Variants in ST3GAL6 observed in about 807,000 individuals in gnomAD.
ST3GAL6 encodes the protein type 2 lactosamine alpha-2,3-sialyltransferase.
A neutral mutation model predicts 40.5 loss-of-function variants in ST3GAL6; 31 were observed. The observed-to-expected ratio is 0.77, with a 90% confidence interval of 0.58 to 1.03. ST3GAL6 has a LOEUF of 1.03. Ranked by LOEUF, ST3GAL6 falls within the 50% of genes least tolerant of loss-of-function variation. ST3GAL6 has a pLI of 0.00. For missense variants in ST3GAL6, 357 were observed against 393.2 expected, an observed-to-expected ratio of 0.91 and a Z score of 0.78; for synonymous variants, 129 against 136.9, an observed-to-expected ratio of 0.94 and a Z score of 0.40.
rs953708137 is a variant in ST3GAL6, at chr3:98,795,207, G to A, written c.*1446G>A. 2.6e-5 allele frequency: 4 copies of A among 152,162 alleles called. No homozygotes were observed. Among genetic ancestry groups the A allele is most frequent in the African/African-American group, 9.7e-5 (4 of 41,436 alleles). 9.4% of individuals were successfully genotyped at this position (152,162 alleles called of 1,614,324 possible). A position where few individuals can be genotyped will look rare whatever the true frequency, so the allele number is the denominator to read the frequency against. On this transcript the variant is annotated 3_prime_UTR_variant, in exon 10 of 10. Transcript: ENST00000483910. Reference sequence around the variant, plus strand: ...TCAGAAGAGGTATGAGCTGAAGAAAGAATTACTCTCTTTTGACCAATAAAT... The same window carrying A: ...TCAGAAGAGGTATGAGCTGAAGAAAAAATTACTCTCTTTTGACCAATAAAT...
intron 1 of ST3GAL6, among the ~76,000 whole-genome samples, chr3:98,736,938 GGCAGATTTT>G (rs1489984770): frequency 1.3e-5 from 2 of 152,300 alleles, no homozygotes; most frequent in East Asian, 3.9e-4. Context: ...AAGATAGGAA[GGCAGATTTT>G]GTGGAGTTTG....
intron 5 of ST3GAL6, among the ~76,000 whole-genome samples, chr3:98,778,756 G>A (rs1939791157): frequency 6.6e-6 from 1 of 152,192 alleles, no homozygotes; most frequent in African/African-American, 2.4e-5. Flanking sequence ...GCTAAGCGGA[G>A]GAGCCAGAAC....
At chr3:98,792,703 G>A (rs1283639991) in intron 9 of ST3GAL6, among the ~76,000 whole-genome samples, 1 of 145,456 alleles carries the variant, frequency 6.9e-6, no homozygotes, top group East Asian at 2.0e-4. Context: ...TATTTTTGTA[G>A]AGATGAGTTT....
chr3:98,747,701 C>T (rs1228621751), intron 1 of ST3GAL6, among the ~76,000 whole-genome samples: 1 of 151,954 alleles, frequency 6.6e-6, no homozygotes, highest in African/African-American at 2.4e-5. Context: ...ATGGATAGAC[C>T]TAAAAATTAA....
At chr3:98,747,721 G>A (rs1208385516) in intron 1 of ST3GAL6, among the ~76,000 whole-genome samples, 1 of 152,126 alleles carries the variant, frequency 6.6e-6, no homozygotes, top group Non-Finnish European at 1.5e-5. Context: ...AAAATATAGA[G>A]TGATAAACAC....
chr3:98,742,909 A>C (rs2107291606), intron 1 of ST3GAL6, among the ~76,000 whole-genome samples: 1 of 151,176 alleles, frequency 6.6e-6, no homozygotes, highest in East Asian at 1.9e-4. Flanking sequence ...CATGTTGGTC[A>C]GGCTGGTCTC....
chr3:98,733,034 G>A (rs989864734), intron 1 of ST3GAL6: 198 of 1,431,618 alleles, frequency 1.4e-4, no homozygotes, highest in Non-Finnish European at 1.8e-4. Flanking sequence ...GGGGGTGCGG[G>A]AAGACCGGTC....
intron 5 of ST3GAL6, among the ~76,000 whole-genome samples, 163 bp from the exon 6 acceptor site, chr3:98,784,782 G>T (rs547359054): frequency 6.6e-6 from 1 of 152,276 alleles, no homozygotes; most frequent in South Asian, 2.1e-4. Context: ...ATTGAATCTT[G>T]TATCTTTTTA....
chr3:98,782,140 C>T, intron 5 of ST3GAL6: 1 of 666,676 alleles, frequency 1.5e-6, no homozygotes. Context: ...AGTTGGCTTT[C>T]TAGAATAGGG....
At chr3:98,792,848 G>C (rs1346431309) in intron 9 of ST3GAL6, among the ~76,000 whole-genome samples, 1 of 152,008 alleles carries the variant, frequency 6.6e-6, no homozygotes, top group African/African-American at 2.4e-5. Flanking sequence ...GACTGGGAAG[G>C]AGTTTCCTAG....
chr3:98,773,779 G>T, intron 4 of ST3GAL6, 141 bp from the exon 5 acceptor site: 2 of 573,084 alleles, frequency 3.5e-6, no homozygotes, highest in Non-Finnish European at 3.1e-6. Flanking sequence ...AATTGCAGTT[G>T]TATCATTAAT....
At chr3:98,761,283 A>G (rs1937733688), upstream of ST3GAL6, among the ~76,000 whole-genome samples, 1 of 152,182 alleles carries the variant, frequency 6.6e-6, no homozygotes, top group African/African-American at 2.4e-5. Flanking sequence ...TGTCTCAAAA[A>G]AAGGAAAAAA....
At chr3:98,764,407 A>G (rs1432676078) in intron 1 of ST3GAL6, among the ~76,000 whole-genome samples, 1 of 152,188 alleles carries the variant, frequency 6.6e-6, no homozygotes, top group Non-Finnish European at 1.5e-5. Flanking sequence ...AACTGGGAAC[A>G]GGGTTGGGAG....
At chr3:98,774,129 A>C in intron 5 of ST3GAL6, 146 bp downstream of exon 5, 1 of 612,476 alleles carries the variant, frequency 1.6e-6, no homozygotes. Context: ...GTAATTTGAC[A>C]CTTAAATACC....
chr3:98,734,076 G>C (rs1011835378), intron 1 of ST3GAL6, among the ~76,000 whole-genome samples: 3 of 152,154 alleles, frequency 2.0e-5, no homozygotes, highest in Admixed American at 6.5e-5. Context: ...TTTGAACCTC[G>C]TAACTCTTCG....
At chr3:98,779,041 C>T (rs1451167929) in intron 5 of ST3GAL6, among the ~76,000 whole-genome samples, 2 of 152,148 alleles carry the variant, frequency 1.3e-5, no homozygotes, top group Non-Finnish European at 2.9e-5. Flanking sequence ...CTGTGTACAA[C>T]TTGCACATAT....
chr3:98,733,014 G>A, intron 1 of ST3GAL6: 1 of 1,449,118 alleles, frequency 6.9e-7, no homozygotes, highest in Non-Finnish European at 9.0e-7. Flanking sequence ...CTGCCCGGGT[G>A]AGGGAAATTG....
At position 98,794,783 on chromosome 3, in the gene ST3GAL6, C is replaced by T. The variant is rs1242374953; in HGVS notation, c.*1022C>T. ...GGGCGTGGTGGTATGCGCTGTAGTC[C>T]CAGGTACTCGGGAGGCTGAGGCACG... On this transcript the variant is annotated 3_prime_UTR_variant, in exon 10 of 10. Coordinates refer to ENST00000483910, the MANE Select transcript of ST3GAL6 (RefSeq NM_001323368.2). 6.6e-6 allele frequency: 1 copy of T among 152,144 alleles called. No homozygotes were observed. The allele number at this position is 152,144 out of a possible 1,614,324, so 9.4% of individuals were successfully genotyped here.
intron 1 of ST3GAL6, chr3:98,733,722 C>A: frequency 1.7e-4 from 91 of 543,360 alleles, no homozygotes; most frequent in Middle Eastern, 1.8e-3. Context: ...GTTATTTTGG[C>A]TTAAAAGAAA....
Sources: gnomAD v4.1 joint callset for allele counts (sites outside exome capture counted in the v4.1 genomes callset) on GRCh38, gnomAD v4.1.1 for gene constraint, MANE v1.5 for transcripts, NCBI Gene and HGNC (gene_info 2026-07-23, HGNC 2026-07-21) for gene names.